Variants in PIK3C2B observed in about 807,000 individuals in gnomAD.
The protein encoded by PIK3C2B is phosphatidylinositol-4-phosphate 3-kinase catalytic subunit type 2 beta.
PIK3C2B carries 83 observed loss-of-function variants against 184.3 expected under a neutral mutation model. The observed-to-expected ratio is 0.45, with a 90% CI of 0.38 to 0.54. The LOEUF is 0.54. PIK3C2B is among the 20% of genes least tolerant of loss of function. PIK3C2B has a pLI of 0.00. For missense variants in PIK3C2B, 1,736 were observed against 2,113.5 expected (o/e 0.82, Z 3.50); for synonymous variants, 779 against 837.6 (o/e 0.93, Z 1.21).
At chr1:204,459,778 C>T (rs746883938) in intron 8 of PIK3C2B, 100 bp downstream of exon 8, 27 of 994,646 alleles carry the variant, frequency 2.7e-5, no homozygotes, top group Non-Finnish European at 4.3e-5. Flanking sequence ...TTTCAGGCTC[C>T]ACCCAGACCC....
At chr1:204,493,795 G>A (rs1380267047) in intron 1 of PIK3C2B, among the ~76,000 whole-genome samples, 1 of 152,214 alleles carries the variant, frequency 6.6e-6, no homozygotes, top group African/African-American at 2.4e-5. Flanking sequence ...CAGCACCGGC[G>A]AACTCAGGCC....
rs376350907 is a variant in PIK3C2B, at chr1:204,460,595, T to C, written c.1377A>G (p.Leu459=). ...GCACAACCTTCTGCTCCATCAGCTG[T>C]AGCCGAATGTCAATGTCAAACTTGC... ...YCRKFDIDIR[L]QLMEQKVVRS... is the part of the protein sequence containing the mutation. The change falls in exon 6 of 33, where the codon CTA becomes CTG. Residue 459 remains leucine, a synonymous_variant. Transcript: ENST00000684373. 5 of 1,613,578 alleles carry C rather than the reference T, an allele frequency of 3.1e-6. No individual in the cohort carries two copies. Among genetic ancestry groups the C allele is most frequent in the African/African-American group, 1.3e-5 (1 of 74,894 alleles).
In PIK3C2B at chr1:204,456,288, C is replaced by T. The variant is rs61762606; in HGVS notation, c.1748-237G>A. 835 of 388,324 alleles carry T rather than the reference C, an allele frequency of 2.2e-3. 10 individuals are homozygous for T. Among genetic ancestry groups the T allele is most frequent in the African/African-American group, 0.015 (709 of 48,476 alleles). 24.1% of individuals were successfully genotyped at this position (388,324 alleles called of 1,614,324 possible). A position where few individuals can be genotyped will look rare whatever the true frequency, so the allele number is the denominator to read the frequency against. ...ATGTTAAACATAATCCTTATTTTTA[C>T]GTATTGCTACTTAGCATTAAAATGT... On this transcript the variant is annotated intron_variant, in intron 10 of 32. Coordinates refer to ENST00000684373, the MANE Select transcript of PIK3C2B (RefSeq NM_001377334.1).
rs1480642788 is a variant in PIK3C2B at position 204,442,582 on chromosome 1, C to T, written c.3100G>A (p.Gly1034Ser). ...GGGCTGAGTGGCAAGCGGCACGAGCCATTGAGGGCAAAGAACTGCTTCACC... is the reference window on the plus strand; with the variant it reads ...GGGCTGAGTGGCAAGCGGCACGAGCTATTGAGGGCAAAGAACTGCTTCACC... The part of the protein sequence containing the change: ...EEVKQFFALN[G>S]SCRLPLSPSL... Residue 1034 changes from glycine to serine, a missense_variant, in exon 20 of 33, where the codon GGC becomes AGC. Gly to Ser is a moderately conservative substitution (Grantham distance 56). Around this residue, in one of 8 missense-constraint regions of PIK3C2B, gnomAD observed 289 missense variants for 380.4 expected, o/e 0.76. Coordinates refer to ENST00000684373, the MANE Select transcript of PIK3C2B (RefSeq NM_001377334.1). The T allele has an allele frequency of 2.6e-6, 4 of 1,556,778 alleles. No homozygotes were observed. Among genetic ancestry groups the T allele is most frequent in the Non-Finnish European group, 3.5e-6 (4 of 1,149,824 alleles).
intron 21 of PIK3C2B, among the ~76,000 whole-genome samples, chr1:204,440,660 G>A (rs904463079): frequency 9.5e-5 from 13 of 137,408 alleles, no homozygotes; most frequent in Non-Finnish European, 1.8e-4. Context: ...GCAGTGGCAC[G>A]ATCTCAGCTC....
At chr1:204,446,832 A>C (rs757391800) in intron 15 of PIK3C2B, among the ~76,000 whole-genome samples, 2 of 152,074 alleles carry the variant, frequency 1.3e-5, no homozygotes, top group Non-Finnish European at 2.9e-5. Flanking sequence ...CCACACACAC[A>C]ACACACGCAC....
chr1:204,483,867 G>C (rs116237064), intron 1 of PIK3C2B, among the ~76,000 whole-genome samples: 506 of 152,310 alleles, frequency 3.3e-3, no homozygotes, highest in African/African-American at 0.012. Context: ...CCCTCGCCCA[G>C]TGTCTCCCAG....
Position 204,468,995 on chromosome 1 carries a change from A to G in PIK3C2B, c.808T>C (p.Ser270Pro), listed in dbSNP as rs201320584. ...TTGCTCCTGGCCACGGGTTTTCCAG[A>G]GGTGTCTTTGCTGAAGTCCAGCGGC... is the stretch of plus-strand genomic sequence containing the variant. ...RGPLDFSKDT[S>P]GKPVARSKTM... The change falls in exon 2 of 33, where the codon TCT (serine) becomes CCT (proline). Residue 270 changes from serine to proline, a missense_variant. Transcript: ENST00000684373. 6.3e-5 allele frequency: 102 copies of G among 1,614,066 alleles called. 1 individual carries two copies. Among genetic ancestry groups the G allele is most frequent in the Non-Finnish European group, 7.7e-5 (91 of 1,180,044 alleles).
chr1:204,489,486 A>T (rs1009626864), intron 1 of PIK3C2B, among the ~76,000 whole-genome samples: 1 of 55,622 alleles, frequency 1.8e-5, no homozygotes, highest in South Asian at 5.3e-4. Context: ...TTTTAATTTA[A>T]AAAAAAAAAA....
intron 1 of PIK3C2B, among the ~76,000 whole-genome samples, chr1:204,475,858 A>C (rs1352882737): frequency 6.6e-6 from 1 of 151,970 alleles, no homozygotes; most frequent in Non-Finnish European, 1.5e-5. Flanking sequence ...CCACCACTAG[A>C]CTGTCTCAGC....
At position 204,433,075 on chromosome 1, in the gene PIK3C2B, T is replaced by C. The variant is rs1347743018; in HGVS notation, c.3953+241A>G. Among the ~76,000 whole-genome samples the C allele has an allele frequency of 6.6e-6, 1 of 152,226 alleles. No individual in the cohort carries two copies. Among genetic ancestry groups the C allele is most frequent in the Non-Finnish European group, 1.5e-5 (1 of 68,032 alleles). ...CTAGTGAGAATGTAGATAAGAGTGA[T>C]GGCAATACCCTTGTGTGCAAAGGTT... On this transcript the variant is annotated intron_variant, in intron 26 of 32. Transcript: ENST00000684373. The surrounding 1 kb of genome is among the most constrained non-coding windows in gnomAD (Gnocchi z 5.0).
intron 1 of PIK3C2B, among the ~76,000 whole-genome samples, chr1:204,489,350 T>G (rs1657851017): frequency 6.6e-6 from 1 of 152,060 alleles, no homozygotes. Flanking sequence ...ATTTTTATTT[T>G]TAGTAGAGAC....
intron 18 of PIK3C2B, 63 bp downstream of exon 18, chr1:204,444,005 G>T: frequency 2.6e-6 from 3 of 1,146,924 alleles, no homozygotes; most frequent in South Asian, 2.5e-5. Context: ...GCGTGCCTAA[G>T]AGTGAAATAC....
rs1233875637 is a variant in PIK3C2B at position 204,424,996 on chromosome 1, C to T, written c.4761G>A (p.Glu1587=). 8 of 1,614,010 alleles carry T rather than the reference C, an allele frequency of 5.0e-6. No individual in the cohort carries two copies. The highest frequency in any genetic ancestry group is 2.7e-5 in the African/African-American group (2 of 74,948). The change falls in exon 33 of 33, where the codon GAG becomes GAA. Residue 1587 remains glutamate (E), a synonymous_variant. Coordinates refer to ENST00000684373, the MANE Select transcript of PIK3C2B (RefSeq NM_001377334.1). ...GIPKGDLQQR[E]LQLSVLSEQG... Reference sequence around the variant, plus strand: ...GCTCACTCAGCACGCTCAGCTGGAGCTCCCGCTGCTGCAGGTCACCCTTGG... The same window carrying T: ...GCTCACTCAGCACGCTCAGCTGGAGTTCCCGCTGCTGCAGGTCACCCTTGG...
chr1:204,431,602 C>T (rs1675060493), intron 28 of PIK3C2B, 67 bp downstream of exon 28: 1 of 1,595,684 alleles, frequency 6.3e-7, no homozygotes. Flanking sequence ...GCCCTGACCA[C>T]CTCCCATCCC....
rs372874064 is a variant in PIK3C2B at position 204,466,836 on chromosome 1, G to A, written c.934-1517C>T. On this transcript the variant is annotated intron_variant, in intron 2 of 32. Coordinates refer to ENST00000684373, the MANE Select transcript of PIK3C2B (RefSeq NM_001377334.1). The stretch of plus-strand genomic sequence containing the variant: ...TGGCTGGGGGAGTCTGCCGGGCAGA[G>A]GCTGGCAGCAGGGGTATCAGGCTGG... 535 of 532,940 alleles carry A rather than the reference G, an allele frequency of 1.0e-3. 1 individual carries two copies. The highest frequency in any genetic ancestry group is 1.6e-3 in the South Asian group (118 of 71,538). 33.0% of individuals were successfully genotyped at this position (532,940 alleles called of 1,614,324 possible). A position where few individuals can be genotyped will look rare whatever the true frequency, so the allele number is the denominator to read the frequency against.
intron 1 of PIK3C2B, among the ~76,000 whole-genome samples, chr1:204,483,330 C>T (rs368522946): frequency 6.6e-6 from 1 of 151,430 alleles, no homozygotes; most frequent in Admixed American, 6.6e-5. Context: ...AAATAGGAGG[C>T]TCAACTGAGC....
intron 12 of PIK3C2B, among the ~76,000 whole-genome samples, chr1:204,452,173 A>G (rs1654419394): frequency 6.6e-6 from 1 of 152,140 alleles, no homozygotes; most frequent in Non-Finnish European, 1.5e-5. Flanking sequence ...CTCAGGGAAC[A>G]AAATGAAACT....
intron 5 of PIK3C2B, among the ~76,000 whole-genome samples, chr1:204,463,213 C>T (rs1298849390): frequency 1.3e-5 from 2 of 152,194 alleles, no homozygotes; most frequent in African/African-American, 4.8e-5. Flanking sequence ...AGAAGTGAGA[C>T]ACAGGTCTCT....
Sources: allele counts gnomAD v4.1 joint callset (sites outside exome capture counted in the v4.1 genomes callset), GRCh38; gene constraint gnomAD v4.1.1; regional missense constraint gnomAD v4.1.1; non-coding constraint Gnocchi (gnomAD v3.1); transcripts MANE v1.5; gene names NCBI Gene and HGNC (gene_info 2026-07-23, HGNC 2026-07-21).